AKAP13: variants seen among roughly 807,000 people sequenced by gnomAD.
AKAP13 encodes A-kinase anchoring protein 13, also known as A-kinase anchor protein 13.
Under a neutral mutation model 264.5 loss-of-function variants are expected in AKAP13, and 80 were observed. The ratio of observed to expected loss-of-function variants is 0.30; its 90% CI spans 0.25 to 0.36. The LOEUF is 0.36. AKAP13 is among the 10% of genes least tolerant of loss of function. The probability of loss-of-function intolerance (pLI) is 1.00; values close to 1 mark genes in which losing one functional copy is unlikely to be tolerated. For missense variants in AKAP13, 3,712 were observed against 3,435.2 expected (o/e 1.08, Z -2.01); for synonymous variants, 1,380 against 1,250.2 (o/e 1.10, Z -2.19).
At chr15:85,387,394 G>A (rs1012358497) in intron 1 of AKAP13, among the ~76,000 whole-genome samples, 14 of 152,124 alleles carry the variant, frequency 9.2e-5, no homozygotes, top group Admixed American at 7.9e-4. Flanking sequence ...GCAGTGGTAG[G>A]ATAACCACTC....
In AKAP13 at chr15:85,669,829, C is replaced by G. The variant is rs1195243656; in HGVS notation, c.5100C>G (p.Asp1700Glu). 1 of 1,589,154 alleles carries G rather than the reference C, an allele frequency of 6.3e-7. No homozygotes were observed. Among genetic ancestry groups the G allele is most frequent in the African/African-American group, 1.3e-5 (1 of 74,372 alleles). The change falls in exon 14 of 37, where the codon GAC becomes GAG. Residue 1700 changes from aspartate to glutamate, a missense_variant and splice_region_variant. Physicochemically the swap from Asp to Glu is conservative, Grantham distance 45 (BLOSUM62 2). Around this residue, in one of 3 missense-constraint regions of AKAP13, gnomAD observed 2,759 missense variants for 2,411.7 expected, o/e 1.14. Coordinates refer to ENST00000394518, the MANE Select transcript of AKAP13 (RefSeq NM_007200.5). Reference sequence around the variant, plus strand: ...TGACAATCAGCCATCCTGGATTGGACAGTGAGTATACTACTTTTTAAAAAA... The same window carrying G: ...TGACAATCAGCCATCCTGGATTGGAGAGTGAGTATACTACTTTTTAAAAAA... ...SLMTISHPGLDNSRPFHSTFH... is the reference protein window; with the variant it reads ...SLMTISHPGLENSRPFHSTFH...
intron 2 of AKAP13, among the ~76,000 whole-genome samples, chr15:85,517,762 T>G (rs2076660890): frequency 6.6e-6 from 1 of 152,172 alleles, no homozygotes; most frequent in Non-Finnish European, 1.5e-5. Context: ...AACCTATATT[T>G]ACAGAATAAG....
At chr15:85,628,364 G>A (rs2081529936) in intron 8 of AKAP13, among the ~76,000 whole-genome samples, 1 of 152,176 alleles carries the variant, frequency 6.6e-6, no homozygotes, top group South Asian at 2.1e-4. Flanking sequence ...GAGTGTCAGT[G>A]TGTAGCTGAC....
At chr15:85,719,553 G>T (rs2087151964) in intron 23 of AKAP13, among the ~76,000 whole-genome samples, 1 of 152,180 alleles carries the variant, frequency 6.6e-6, no homozygotes, top group Admixed American at 6.5e-5. Context: ...TATATATAAA[G>T]TACCTAATGC....
intron 1 of AKAP13, among the ~76,000 whole-genome samples, chr15:85,442,923 A>G (rs888142844): frequency 2.0e-5 from 3 of 152,306 alleles, no homozygotes; most frequent in East Asian, 1.9e-4. Flanking sequence ...GTGAAGCATT[A>G]AAATTACATT....
intron 10 of AKAP13, among the ~76,000 whole-genome samples, chr15:85,649,028 A>G (rs1242605796): frequency 2.0e-5 from 3 of 152,216 alleles, no homozygotes; most frequent in African/African-American, 2.4e-5. Flanking sequence ...GAGGCTTTGC[A>G]ATAAATGTTT....
chr15:85,417,376 G>A (rs1213959889), intron 1 of AKAP13, among the ~76,000 whole-genome samples: 2 of 152,134 alleles, frequency 1.3e-5, no homozygotes, highest in Non-Finnish European at 2.9e-5. Context: ...ATACTCACTG[G>A]TCCTTTTTGG....
intron 8 of AKAP13, among the ~76,000 whole-genome samples, chr15:85,635,593 G>A (rs1350745301): frequency 6.6e-6 from 1 of 151,482 alleles, no homozygotes; most frequent in African/African-American, 2.4e-5. Flanking sequence ...TTTTTTTCAT[G>A]TTTTAAAAAA....
intron 1 of AKAP13, among the ~76,000 whole-genome samples, chr15:85,391,641 C>T (rs563886491): frequency 1.8e-4 from 27 of 151,626 alleles, no homozygotes; most frequent in Non-Finnish European, 3.7e-4. Context: ...TGCACCACCA[C>T]GTCCAGCTAA....
intron 1 of AKAP13, among the ~76,000 whole-genome samples, chr15:85,465,805 A>G (rs941550518): frequency 2.2e-4 from 33 of 150,784 alleles, no homozygotes; most frequent in Admixed American, 1.9e-3. Context: ...TAGTGCCGCA[A>G]TAAACATACG....
intron 2 of AKAP13, among the ~76,000 whole-genome samples, chr15:85,498,868 C>A (rs1413531985): frequency 1.3e-5 from 2 of 152,070 alleles, no homozygotes; most frequent in Admixed American, 1.3e-4. Context: ...GACCTAAATG[C>A]CAGAGGGTGG....
In AKAP13 at chr15:85,726,989, TA is replaced by T. The variant is rs969942453; in HGVS notation, c.6823-76del. ...GTGCTTTTTTAACAGCATCTGGTCT[TA>T]CCTTAGATTGAAGCTGTCCTTCAGA... is the stretch of plus-strand genomic sequence containing the variant. On this transcript the variant is annotated intron_variant, in intron 27 of 36. Transcript: ENST00000394518. 9.1e-6 allele frequency: 14 copies of T among 1,531,922 alleles called. No homozygotes were observed. The Admixed American group carries it at 1.9e-4, about 21-fold the overall frequency. The allele number at this position is 1,531,922 out of a possible 1,614,324, so 94.9% of individuals were successfully genotyped here. A position where few individuals can be genotyped will look rare whatever the true frequency, so the allele number is the denominator to read the frequency against.
rs2084638073 is a variant in AKAP13 at position 85,682,204 on chromosome 15, G to A, written c.5148G>A (p.Leu1716=). The change falls in exon 15 of 37, where the codon CTG becomes CTA. Residue 1716 remains leucine (L), a synonymous_variant. Transcript: ENST00000394518. The part of the protein sequence containing the change: ...HSTFHNTSAN[L]TESITEENYN... ...CCTTCCACAATACCAGTGCTAATCT[G>A]ACTGAGAGGTACTATAAATTTGTTA... is the stretch of plus-strand genomic sequence containing the variant. 2 of 1,613,084 alleles carry A rather than the reference G, an allele frequency of 1.2e-6. No individual in the cohort carries two copies. Among genetic ancestry groups the A allele is most frequent in the South Asian group, 1.1e-5 (1 of 91,002 alleles).
intron 3 of AKAP13, among the ~76,000 whole-genome samples, chr15:85,531,136 C>T (rs901951531): frequency 1.3e-5 from 2 of 152,228 alleles, no homozygotes; most frequent in Admixed American, 6.5e-5. Flanking sequence ...GCTGGGATTA[C>T]AGCATGAGTC....
At chr15:85,735,872 G>A (rs768115336) in intron 32 of AKAP13, among the ~76,000 whole-genome samples, 10 of 152,140 alleles carry the variant, frequency 6.6e-5, no homozygotes, top group African/African-American at 1.4e-4. Flanking sequence ...CATGGTCCTG[G>A]CAGGACCAGT....
chr15:85,581,525 A>G lies in AKAP13; in HGVS notation c.3457A>G (p.Ile1153Val), dbSNP rs1323085076. The G allele has an allele frequency of 1.4e-5, 23 of 1,614,072 alleles. No individual in the cohort carries two copies. Among genetic ancestry groups the G allele is most frequent in the Non-Finnish European group, 1.9e-5 (23 of 1,180,034 alleles). Residue 1153 changes from isoleucine (I) to valine (V), a missense_variant, in exon 7 of 37, where the codon ATA (isoleucine) becomes GTA (valine). Ile to Val is a conservative substitution (Grantham distance 29, BLOSUM62 3). Around this residue, in one of 3 missense-constraint regions of AKAP13, gnomAD observed 2,759 missense variants for 2,411.7 expected, o/e 1.14. Transcript: ENST00000394518. ...ACAGGGAGTTGGAACCCCAGAGATGATACCTCTTGATTGGGAGAAAGGGAA... is the reference window on the plus strand; with the variant it reads ...ACAGGGAGTTGGAACCCCAGAGATGGTACCTCTTGATTGGGAGAAAGGGAA... Reference protein sequence around the residue: ...DPQGVGTPEMIPLDWEKGKLE... With the variant: ...DPQGVGTPEMVPLDWEKGKLE...
Position 85,579,375 on chromosome 15 carries a change from A to T in AKAP13, c.1307A>T (p.Gln436Leu). ...AAATCTTCTGGAATGCCCACAGACC[A>T]GGAGTCCCTGAGCAGTGGAGATGCT... ...GTKSSGMPTDQESLSSGDAVL... is the reference protein window; with the variant it reads ...GTKSSGMPTDLESLSSGDAVL... Residue 436 changes from glutamine to leucine, a missense_variant, in exon 7 of 37, where the codon CAG becomes CTG. Around this residue, in one of 3 missense-constraint regions of AKAP13, gnomAD observed 2,759 missense variants for 2,411.7 expected, o/e 1.14. Transcript: ENST00000394518. 6.2e-7 allele frequency: 1 copy of T among 1,614,226 alleles called. No individual in the cohort carries two copies. Among genetic ancestry groups the T allele is most frequent in the Non-Finnish European group, 8.5e-7 (1 of 1,180,028 alleles).
intron 5 of AKAP13, among the ~76,000 whole-genome samples, chr15:85,546,645 A>C (rs1325469021): frequency 6.6e-6 from 1 of 152,178 alleles, no homozygotes; most frequent in African/African-American, 2.4e-5. Flanking sequence ...AGGTTTATGC[A>C]CATGTTTTTC....
chr15:85,601,608 T>TGTGTGTGTGTGTGTGTGTGTGTGTG (rs2080075703), intron 8 of AKAP13, among the ~76,000 whole-genome samples: 1 of 131,990 alleles, frequency 7.6e-6, no homozygotes, highest in Non-Finnish European at 1.6e-5. Context: ...CCTGAATTCT[T>TGTGTGTGTGTGTGTGTGTGTGTGTG]TGTGTGTGTG....
Sources: gnomAD v4.1 joint callset for allele counts (sites outside exome capture counted in the v4.1 genomes callset) on GRCh38, gnomAD v4.1.1 for gene constraint, gnomAD v4.1.1 regional missense constraint, MANE v1.5 for transcripts, NCBI Gene and HGNC (gene_info 2026-07-23, HGNC 2026-07-21) for gene names.